The following DEDD2 variants were observed in gnomAD, a reference collection of about 807,000 sequenced individuals.
The protein encoded by DEDD2 is DNA-binding death effector domain-containing protein 2.
A neutral mutation model predicts 28.9 loss-of-function variants in DEDD2; 18 were observed. The ratio of observed to expected loss-of-function variants is 0.62; its 90% confidence interval spans 0.43 to 0.92. The LOEUF is 0.92. Among genes scored for constraint, DEDD2 ranks in the 40% least tolerant of loss-of-function variants. The pLI is 0.00. For missense variants in DEDD2, 411 were observed against 463.3 expected (o/e 0.89, Z 1.04); for synonymous variants, 211 against 206.1 (o/e 1.02, Z -0.20).
chr19:42,206,587 C>T (rs1174605581), intron 4 of DEDD2, among the ~76,000 whole-genome samples: 1 of 152,212 alleles, frequency 6.6e-6, no homozygotes, highest in East Asian at 1.9e-4. Context: ...GTCATCCCAC[C>T]TCAATGGCTG....
intron 3 of DEDD2, among the ~76,000 whole-genome samples, chr19:42,213,998 C>A (rs541467039): frequency 2.0e-5 from 3 of 152,274 alleles, no homozygotes; most frequent in Admixed American, 6.5e-5. Context: ...AGGGGTAAAG[C>A]ATCCTGATGT....
In DEDD2 at chr19:42,209,755, T is replaced by C; in HGVS notation, c.534A>G (p.Ala178=). The C allele has an allele frequency of 6.2e-7, 1 of 1,604,912 alleles. No individual in the cohort carries two copies. The highest frequency in any genetic ancestry group is 8.5e-7 in the Non-Finnish European group (1 of 1,176,186). Residue 178 remains alanine (A), a synonymous_variant, in exon 4 of 5, where the codon GCA becomes GCG. Transcript: ENST00000596251. ...ARRRRRGAPA[A]PQQQSEPARP... is the part of the protein sequence containing the mutation. The stretch of plus-strand genomic sequence containing the variant: ...TGGCGGGCTCTGACTGCTGCTGGGG[T>C]GCGGCTGGGGCCCCTCTCCGCCGCC...
chr19:42,212,049 T>C (rs940260256), intron 3 of DEDD2: 9 of 146,850 alleles, frequency 6.1e-5, no homozygotes, highest in Non-Finnish European at 1.0e-4. Context: ...ATAATAATAA[T>C]AATAATAATA....
intron 4 of DEDD2, among the ~76,000 whole-genome samples, chr19:42,203,876 G>A (rs2035427283): frequency 6.6e-6 from 1 of 152,176 alleles, no homozygotes; most frequent in South Asian, 2.1e-4. Context: ...AGAAGTGGAG[G>A]AACTGTCCAG....
chr19:42,200,067 C>T (rs184559285), intron 4 of DEDD2, among the ~76,000 whole-genome samples: 2 of 152,296 alleles, frequency 1.3e-5, no homozygotes, highest in African/African-American at 4.8e-5. Flanking sequence ...GTGCTCTTTC[C>T]CTGGATCTGC....
chr19:42,200,431 C>A (rs1311511856), intron 4 of DEDD2, among the ~76,000 whole-genome samples: 2 of 152,246 alleles, frequency 1.3e-5, no homozygotes, highest in Non-Finnish European at 2.9e-5. Flanking sequence ...CTTAAGGCAA[C>A]CAGCCTCACA....
At chr19:42,219,476 C>A (rs1025892340), upstream of DEDD2, among the ~76,000 whole-genome samples, 4 of 151,972 alleles carry the variant, frequency 2.6e-5, no homozygotes, top group African/African-American at 9.7e-5. Context: ...GTGGTGGACA[C>A]CTGTAATCCC....
intron 3 of DEDD2, chr19:42,212,122 T>C (rs2035792880): frequency 6.6e-6 from 1 of 151,158 alleles, no homozygotes; most frequent in Non-Finnish European, 1.5e-5. Context: ...TCCCAGCACT[T>C]TGGGAGGCCA....
chr19:42,209,621 A>G, intron 4 of DEDD2, 79 bp downstream of exon 4: 1 of 1,502,940 alleles, frequency 6.7e-7, no homozygotes, highest in Non-Finnish European at 8.9e-7. Flanking sequence ...CACATCCCCC[A>G]GAAAAATGCT....
intron 3 of DEDD2, among the ~76,000 whole-genome samples, chr19:42,212,391 G>A (rs904347254): frequency 6.6e-6 from 1 of 151,738 alleles, no homozygotes; most frequent in Non-Finnish European, 1.5e-5. Context: ...TGATGTTTTT[G>A]TTTCTTTGTT....
chr19:42,201,277 C>T (rs2035320665), intron 4 of DEDD2, among the ~76,000 whole-genome samples: 1 of 152,256 alleles, frequency 6.6e-6, no homozygotes, highest in Admixed American at 6.5e-5. Context: ...GATTCCCACA[C>T]AGGAGCCTTC....
In DEDD2 at chr19:42,199,839, A is replaced by G. The variant is rs1197139542; in HGVS notation, c.590-10T>C. The stretch of plus-strand genomic sequence containing the variant: ...ACCCGGAGCCGGATGTCTGCAGGGG[A>G]AGGAGGGATTTGTCAGGGAGGGGGC... On this transcript the variant is annotated splice_polypyrimidine_tract_variant and intron_variant, in intron 4 of 4. Coordinates refer to ENST00000596251, the MANE Select transcript of DEDD2 (RefSeq NM_133328.4). This position sits in a 1 kb window ranked among gnomAD's most constrained non-coding sequence, Gnocchi z 7.4. 1 of 1,578,204 alleles carries G rather than the reference A, an allele frequency of 6.3e-7. No homozygotes were observed.
intron 4 of DEDD2, among the ~76,000 whole-genome samples, chr19:42,202,602 A>T (rs765131927): frequency 6.6e-6 from 1 of 152,200 alleles, no homozygotes; most frequent in African/African-American, 2.4e-5. Context: ...TATTTTATGA[A>T]TGCCAGGCAT....
intron 4 of DEDD2, among the ~76,000 whole-genome samples, chr19:42,206,066 G>A (rs1359424903): frequency 3.3e-5 from 5 of 150,316 alleles, no homozygotes; most frequent in South Asian, 2.1e-4. Flanking sequence ...CCTGGGCGAC[G>A]GAGACCCTGT....
chr19:42,217,361 A>G (rs1282784153), intron 1 of DEDD2, among the ~76,000 whole-genome samples: 3 of 151,834 alleles, frequency 2.0e-5, no homozygotes, highest in African/African-American at 4.8e-5. Flanking sequence ...ACTGCCCCTG[A>G]CTCTGGGTAG....
At chr19:42,207,784 C>T (rs1045311730) in intron 4 of DEDD2, among the ~76,000 whole-genome samples, 2 of 152,008 alleles carry the variant, frequency 1.3e-5, no homozygotes, top group Non-Finnish European at 2.9e-5. Context: ...CCCACCACCC[C>T]CTAGAATAAA....
At chr19:42,206,816 C>CG (rs1196959745) in intron 4 of DEDD2, among the ~76,000 whole-genome samples, 1 of 152,168 alleles carries the variant, frequency 6.6e-6, no homozygotes, top group Non-Finnish European at 1.5e-5. Flanking sequence ...GCCTCTTCTT[C>CG]AGTCAGGCCT....
intron 1 of DEDD2, 34 bp from the exon 2 acceptor site, chr19:42,217,079 C>G: frequency 6.8e-7 from 1 of 1,468,068 alleles, no homozygotes; most frequent in Non-Finnish European, 9.3e-7. Flanking sequence ...GGGCAGTGGT[C>G]AGCGACGCGG....
At chr19:42,212,323 G>A (rs543594280) in intron 3 of DEDD2, among the ~76,000 whole-genome samples, 83 of 152,002 alleles carry the variant, frequency 5.5e-4, no homozygotes, top group Non-Finnish European at 1.1e-3. Context: ...CTGAGATGGC[G>A]CCACTGTACT....
Sources: allele counts gnomAD v4.1 joint callset (sites outside exome capture counted in the v4.1 genomes callset), GRCh38; gene constraint gnomAD v4.1.1; non-coding constraint Gnocchi (gnomAD v3.1); transcripts MANE v1.5; gene names NCBI Gene and HGNC (gene_info 2026-07-23, HGNC 2026-07-21).